Variants in FSTL4 observed in about 807,000 individuals in gnomAD.
FSTL4 encodes the protein follistatin-related protein 4.
In FSTL4, 28 loss-of-function variants were observed where a neutral mutation model predicts 78.2. The ratio of observed to expected loss-of-function variants is 0.36; its 90% confidence interval spans 0.27 to 0.49. The LOEUF is 0.49. Among genes scored for constraint, FSTL4 ranks in the 20% least tolerant of loss-of-function variants. The pLI is 0.98. For synonymous variants in FSTL4, 422 were observed against 440.5 expected (o/e 0.96, Z 0.53); for missense variants, 922 against 1,084.9 (o/e 0.85, Z 2.11).
intron 4 of FSTL4, among the ~76,000 whole-genome samples, chr5:133,395,372 C>A (rs781337585): frequency 1.3e-5 from 2 of 152,218 alleles, no homozygotes; most frequent in Non-Finnish European, 2.9e-5. Context: ...CGAAGGTCCG[C>A]AGCTTCACTC....
chr5:133,615,590 T>G (rs149039874), upstream of FSTL4, among the ~76,000 whole-genome samples: 1 of 152,268 alleles, frequency 6.6e-6, no homozygotes, highest in African/African-American at 2.4e-5. Flanking sequence ...CCTGTATTTA[T>G]AGAAGTTCAG....
chr5:133,367,479 G>C lies in FSTL4; in HGVS notation c.409+33259C>G, dbSNP rs140337304. Among the ~76,000 whole-genome samples the C allele has an allele frequency of 3.5e-3, 532 of 152,266 alleles. 3 individuals are homozygous for C. The highest frequency in any genetic ancestry group is 6.7e-3 in the Admixed American group (102 of 15,296). On this transcript the variant is annotated intron_variant, in intron 4 of 15. Coordinates refer to ENST00000265342, the MANE Select transcript of FSTL4 (RefSeq NM_015082.2). ...GAATCCAACCAAAGCATCCCAGAAA[G>C]GCCTGCGTTTTTAATTCCTTTCCAA...
At chr5:133,272,702 ACT>A (rs1752793459) in intron 6 of FSTL4, among the ~76,000 whole-genome samples, 1 of 152,184 alleles carries the variant, frequency 6.6e-6, no homozygotes, top group Admixed American at 6.5e-5. Context: ...AGGAATAATA[ACT>A]CTTCCGATTT....
At chr5:133,432,432 C>G (rs576378108) in intron 3 of FSTL4, among the ~76,000 whole-genome samples, 31 of 152,196 alleles carry the variant, frequency 2.0e-4, no homozygotes, top group Admixed American at 4.6e-4. Context: ...ATGCACTGCA[C>G]GAGAGATTTG....
the FSTL4 span, among the ~76,000 whole-genome samples, chr5:133,657,206 A>C: frequency 6.6e-6 from 1 of 152,188 alleles, no homozygotes. Flanking sequence ...CTTGCCACTC[A>C]AGGAAAGCCC....
At chr5:133,473,423 C>A (rs1490638877) in intron 3 of FSTL4, among the ~76,000 whole-genome samples, 1 of 152,114 alleles carries the variant, frequency 6.6e-6, no homozygotes, top group Non-Finnish European at 1.5e-5. Flanking sequence ...GAGATCAGCA[C>A]CGACCAGTCA....
chr5:133,386,243 C>G lies in FSTL4; in HGVS notation c.409+14495G>C, dbSNP rs185239307. Among the ~76,000 whole-genome samples the G allele has an allele frequency of 7.2e-5, 11 of 152,312 alleles. No individual in the cohort carries two copies. In the East Asian group the frequency reaches 2.1e-3, roughly 29 times the overall value. On this transcript the variant is annotated intron_variant, in intron 4 of 15. Coordinates refer to ENST00000265342, the MANE Select transcript of FSTL4 (RefSeq NM_015082.2). ...CCTGCCCTCCATTCTCATCCAATCTCTGGTTTTTTAAAAAGGGTAGGATGT... is the reference window on the plus strand; with the variant it reads ...CCTGCCCTCCATTCTCATCCAATCTGTGGTTTTTTAAAAAGGGTAGGATGT...
intron 3 of FSTL4, among the ~76,000 whole-genome samples, chr5:133,521,938 T>C (rs1758989811): frequency 6.6e-6 from 1 of 152,184 alleles, no homozygotes; most frequent in Non-Finnish European, 1.5e-5. Context: ...CCAAGAGCAC[T>C]GTGATGCAAT....
chr5:133,563,074 C>T lies in FSTL4; in HGVS notation c.160+4112G>A, dbSNP rs536959281. On this transcript the variant is annotated intron_variant, in intron 3 of 15. Transcript: ENST00000265342. The stretch of plus-strand genomic sequence containing the variant: ...AGCACAGAGAGATGCAGCCATCACT[C>T]TTTCCCATGCAGCTCATATAGGGAG... Among the ~76,000 whole-genome samples, 9 of 152,324 alleles carry T rather than the reference C, an allele frequency of 5.9e-5. 1 individual carries two copies. Among genetic ancestry groups the T allele is most frequent in the African/African-American group, 2.2e-4 (9 of 41,572 alleles).
intron 2 of FSTL4, among the ~76,000 whole-genome samples, chr5:133,589,114 T>C (rs200147902): frequency 0.14 from 5,989 of 42,468 alleles, 547 homozygotes; most frequent in Middle Eastern, 0.33. Context: ...GGAAGGGGAA[T>C]ATCACACTCT....
At position 133,197,653 on chromosome 5, in the gene FSTL4, T is replaced by G. The variant is rs1290353754; in HGVS notation, c.*1442A>C. ...GGAAAATCCTGGTCATGTCAGTAGG[T>G]GAAGGTGGCCAAATTAGCAAAGACG... is the stretch of plus-strand genomic sequence containing the variant. On this transcript the variant is annotated 3_prime_UTR_variant, in exon 16 of 16. Coordinates refer to ENST00000265342, the MANE Select transcript of FSTL4 (RefSeq NM_015082.2). 6.6e-6 allele frequency: 1 copy of G among 152,188 alleles called. No individual in the cohort carries two copies. Among genetic ancestry groups the G allele is most frequent in the Non-Finnish European group, 1.5e-5 (1 of 68,050 alleles). 9.4% of individuals were successfully genotyped at this position (152,188 alleles called of 1,614,324 possible). A position where few individuals can be genotyped will look rare whatever the true frequency, so the allele number is the denominator to read the frequency against.
the FSTL4 span, among the ~76,000 whole-genome samples, chr5:133,801,085 G>A: frequency 5.3e-5 from 8 of 152,004 alleles, no homozygotes; most frequent in African/African-American, 1.9e-4. Flanking sequence ...CACCTGGTCG[G>A]GTTTCTCCGT....
At chr5:133,747,001 A>G in the FSTL4 span, among the ~76,000 whole-genome samples, 32 of 152,258 alleles carry the variant, frequency 2.1e-4, no homozygotes, top group East Asian at 5.8e-4. Context: ...AATGCCCCCA[A>G]TGACTCCTCC....
chr5:133,286,791 T>TTC (rs1421658525), intron 6 of FSTL4, among the ~76,000 whole-genome samples: 1 of 152,202 alleles, frequency 6.6e-6, no homozygotes, highest in African/African-American at 2.4e-5. Flanking sequence ...ACAATTTTGT[T>TTC]TCTCTCTGTT....
At position 133,611,479 on chromosome 5, in the gene FSTL4, G is replaced by A. The variant is rs932685205; in HGVS notation, c.-11+846C>T. ...AGAGTGCTGTGCCTGCCTCGTCCAG[G>A]TCCCTCCTGAAACTCAGAACTCGTC... On this transcript the variant is annotated intron_variant, in intron 1 of 15. Coordinates refer to ENST00000265342, the MANE Select transcript of FSTL4 (RefSeq NM_015082.2). The surrounding 1 kb of genome is among the most constrained non-coding windows in gnomAD (Gnocchi z 4.9). Among the ~76,000 whole-genome samples, 10 of 152,218 alleles carry A rather than the reference G, an allele frequency of 6.6e-5. No homozygotes were observed. The highest frequency in any genetic ancestry group is 2.4e-4 in the African/African-American group (10 of 41,460).
At chr5:133,556,256 T>C (rs929360657) in intron 3 of FSTL4, among the ~76,000 whole-genome samples, 1 of 152,230 alleles carries the variant, frequency 6.6e-6, no homozygotes, top group Non-Finnish European at 1.5e-5. Context: ...TCCTCATTTT[T>C]TAAATTTACA....
At chr5:133,305,535 T>C (rs1338847261) in intron 6 of FSTL4, among the ~76,000 whole-genome samples, 3 of 152,168 alleles carry the variant, frequency 2.0e-5, no homozygotes, top group African/African-American at 7.2e-5. Context: ...CTTGGGACAG[T>C]TGGTCCTCCT....
chr5:133,307,526 G>A (rs1391156155), intron 6 of FSTL4, among the ~76,000 whole-genome samples: 1 of 152,160 alleles, frequency 6.6e-6, no homozygotes, highest in African/African-American at 2.4e-5. Flanking sequence ...GTACAGTGCT[G>A]ACACATGTTA....
chr5:133,501,361 A>C (rs1055579982), intron 3 of FSTL4, among the ~76,000 whole-genome samples: 6 of 152,204 alleles, frequency 3.9e-5, no homozygotes, highest in Middle Eastern at 6.3e-3. Context: ...AGAGTTCTTC[A>C]TTTTCACTGT....
Sources: allele counts gnomAD v4.1 joint callset (sites outside exome capture counted in the v4.1 genomes callset), GRCh38; gene constraint gnomAD v4.1.1; non-coding constraint Gnocchi (gnomAD v3.1); transcripts MANE v1.5; gene names NCBI Gene and HGNC (gene_info 2026-07-23, HGNC 2026-07-21).